The following NCAM2 variants were observed in gnomAD, a reference collection of about 807,000 sequenced individuals.
NCAM2 encodes the protein N-CAM-2.
NCAM2 carries 30 observed loss-of-function variants against 98.1 expected under a neutral mutation model. The observed-to-expected ratio is 0.31, with a 90% CI of 0.23 to 0.41. The LOEUF (loss-of-function observed/expected upper bound fraction) is 0.41, where lower values mean the gene tolerates loss of function less well. NCAM2 is among the 10% of genes least tolerant of loss of function. NCAM2 has a pLI of 1.00. For missense variants in NCAM2, 867 were observed against 1,005.8 expected, an observed-to-expected ratio of 0.86 and a Z score of 1.87; for synonymous variants, 368 against 342.4, an observed-to-expected ratio of 1.07 and a Z score of -0.83.
intron 1 of NCAM2, among the ~76,000 whole-genome samples, chr21:21,163,280 G>C (rs1417783528): frequency 6.6e-6 from 1 of 152,116 alleles, no homozygotes; most frequent in East Asian, 1.9e-4. Flanking sequence ...CTGTAGGAGA[G>C]AGCAGGTTGA....
At chr21:21,106,818 A>G (rs1252270357) in intron 1 of NCAM2, among the ~76,000 whole-genome samples, 1 of 152,120 alleles carries the variant, frequency 6.6e-6, no homozygotes, top group African/African-American at 2.4e-5. Context: ...CAAATAAACC[A>G]TAGGCTAGTC....
chr21:21,030,499 C>T (rs2064656803), intron 1 of NCAM2, among the ~76,000 whole-genome samples: 1 of 152,146 alleles, frequency 6.6e-6, no homozygotes, highest in South Asian at 2.1e-4. Flanking sequence ...TTGTTTTAAA[C>T]TCACCCAGAT....
At chr21:21,325,930 G>A (rs2147804740) in intron 6 of NCAM2, among the ~76,000 whole-genome samples, 1 of 152,274 alleles carries the variant, frequency 6.6e-6, no homozygotes, top group East Asian at 1.9e-4. Context: ...TGTAATTGAT[G>A]ATTCCACAAA....
At chr21:21,124,326 T>G (rs2066741930) in intron 1 of NCAM2, among the ~76,000 whole-genome samples, 1 of 152,172 alleles carries the variant, frequency 6.6e-6, no homozygotes, top group Admixed American at 6.5e-5. Flanking sequence ...AATGTAACAT[T>G]ATGTGCAAGT....
intron 1 of NCAM2, among the ~76,000 whole-genome samples, chr21:21,149,250 T>A (rs1186235346): frequency 6.6e-6 from 1 of 152,180 alleles, no homozygotes; most frequent in Admixed American, 6.5e-5. Flanking sequence ...TCAAAAAAAG[T>A]CTGCAGTTCA....
intron 6 of NCAM2, among the ~76,000 whole-genome samples, chr21:21,326,969 A>G (rs769276305): frequency 2.0e-5 from 3 of 152,216 alleles, no homozygotes; most frequent in Admixed American, 2.0e-4. Context: ...AGACTGTTTC[A>G]TAGAGATAAT....
At chr21:21,201,601 G>A (rs1035563493) in intron 1 of NCAM2, among the ~76,000 whole-genome samples, 1 of 152,172 alleles carries the variant, frequency 6.6e-6, no homozygotes, top group Non-Finnish European at 1.5e-5. Context: ...TTCACTAGAT[G>A]GATATCTCTG....
chr21:21,253,649 C>A (rs533937125), intron 1 of NCAM2, among the ~76,000 whole-genome samples: 2 of 152,272 alleles, frequency 1.3e-5, no homozygotes, highest in South Asian at 4.1e-4. Context: ...TTATAAGCAA[C>A]ATAATTTTTG....
intron 12 of NCAM2, among the ~76,000 whole-genome samples, chr21:21,460,836 G>A (rs956424244): frequency 6.6e-6 from 1 of 151,692 alleles, no homozygotes; most frequent in Non-Finnish European, 1.5e-5. Context: ...GTTATTAGGA[G>A]GTTAAATAGG....
intron 8 of NCAM2, among the ~76,000 whole-genome samples, chr21:21,346,599 T>A (rs1039976381): frequency 1.1e-4 from 16 of 152,056 alleles, no homozygotes; most frequent in African/African-American, 3.9e-4. Flanking sequence ...CCTCAGCACA[T>A]GGATCATTTT....
At chr21:21,007,063 C>G (rs762504999) in intron 1 of NCAM2, among the ~76,000 whole-genome samples, 143 of 152,120 alleles carry the variant, frequency 9.4e-4, no homozygotes, top group Non-Finnish European at 1.7e-3. Context: ...TTTTTTACTG[C>G]ACAAGTTTTC....
chr21:21,133,193 AATG>A (rs1483500571), intron 1 of NCAM2, among the ~76,000 whole-genome samples: 11 of 152,204 alleles, frequency 7.2e-5, no homozygotes, highest in African/African-American at 1.9e-4. Flanking sequence ...AGTAAGATAC[AATG>A]ATAATACTAA....
chr21:21,490,302 C>T, intron 15 of NCAM2, among the ~76,000 whole-genome samples: 1 of 152,046 alleles, frequency 6.6e-6, no homozygotes, highest in East Asian at 1.9e-4. Flanking sequence ...GTCTTAACTG[C>T]ATTTCATCTC....
intron 1 of NCAM2, among the ~76,000 whole-genome samples, chr21:21,000,676 C>T (rs1374556395): frequency 6.6e-6 from 1 of 152,114 alleles, no homozygotes; most frequent in Non-Finnish European, 1.5e-5. Flanking sequence ...AGTACAATTT[C>T]ACAATGTGTG....
rs149665609 is a variant in NCAM2 at position 21,521,468 on chromosome 21, A to G, written c.2282+12413A>G. ...AGAACCAGATTTAGATATGATGGCG[A>G]TGTTGGAATTATCAGACTAGGAATT... is the stretch of plus-strand genomic sequence containing the variant. On this transcript the variant is annotated intron_variant, in intron 16 of 17. Coordinates refer to ENST00000400546, the MANE Select transcript of NCAM2 (RefSeq NM_004540.5). Among the ~76,000 whole-genome samples, 674 of 152,326 alleles carry G rather than the reference A, an allele frequency of 4.4e-3. 21 individuals carry two copies. Among genetic ancestry groups the G allele is most frequent in the East Asian group, 6.2e-3 (32 of 5,182 alleles).
chr21:21,444,145 G>A (rs1569069998), intron 12 of NCAM2, among the ~76,000 whole-genome samples: 1 of 152,156 alleles, frequency 6.6e-6, no homozygotes, highest in African/African-American at 2.4e-5. Context: ...TTATTGATTT[G>A]TGTATGTTGA....
At chr21:21,016,408 T>A (rs1045755855) in intron 1 of NCAM2, among the ~76,000 whole-genome samples, 1 of 146,650 alleles carries the variant, frequency 6.8e-6, no homozygotes, top group African/African-American at 2.5e-5. Context: ...TGTGATCTCA[T>A]ATGATTCTCC....
At chr21:21,446,722 T>G (rs1026469393) in intron 12 of NCAM2, among the ~76,000 whole-genome samples, 17 of 152,064 alleles carry the variant, frequency 1.1e-4, no homozygotes, top group African/African-American at 3.9e-4. Context: ...AAAAAATTAA[T>G]GTGGAAAAGT....
chr21:21,065,205 A>AAAAAC, intron 1 of NCAM2, among the ~76,000 whole-genome samples: 1 of 152,044 alleles, frequency 6.6e-6, no homozygotes, highest in Admixed American at 6.6e-5. Flanking sequence ...CAAAAAACAA[A>AAAAAC]AAAACAAAAC....
Sources: allele counts gnomAD v4.1 joint callset (sites outside exome capture counted in the v4.1 genomes callset), GRCh38; gene constraint gnomAD v4.1.1; transcripts MANE v1.5; gene names NCBI Gene and HGNC (gene_info 2026-07-23, HGNC 2026-07-21).